Variants in VIT observed in about 807,000 individuals in gnomAD.
The protein encoded by VIT is vitrin.
VIT carries 99 observed loss-of-function variants against 78.0 expected under a neutral mutation model. The observed-to-expected ratio is 1.27, with a 90% confidence interval of 1.08 to 1.50. The LOEUF (loss-of-function observed/expected upper bound fraction) is 1.50, where lower values mean the gene tolerates loss of function less well. VIT is among the 40% of genes most tolerant of loss of function. The pLI, the probability that VIT is intolerant of heterozygous loss-of-function variation, is 0.00. For missense variants in VIT, 1,126 were observed against 875.3 expected, an observed-to-expected ratio of 1.29 and a Z score of -3.61; for synonymous variants, 374 against 334.3, an observed-to-expected ratio of 1.12 and a Z score of -1.29.
intron 12 of VIT, among the ~76,000 whole-genome samples, chr2:36,798,004 G>A (rs755720344): frequency 6.6e-6 from 1 of 152,050 alleles, no homozygotes; most frequent in Non-Finnish European, 1.5e-5. Context: ...GAAGAAGTGA[G>A]CAAATGCACA....
chr2:36,710,917 G>T (rs2372708), intron 1 of VIT, among the ~76,000 whole-genome samples: 101,571 of 152,032 alleles, frequency 0.67, 34,425 homozygotes, highest in African/African-American at 0.8. Context: ...CTTGGGAAAA[G>T]GCCTGGAAGT....
intron 12 of VIT, among the ~76,000 whole-genome samples, chr2:36,788,609 G>C (rs920450374): frequency 3.3e-5 from 5 of 152,234 alleles, no homozygotes; most frequent in African/African-American, 9.6e-5. Context: ...GCGGTTTTAG[G>C]GGGTATTTTC....
rs368409216 is a variant in VIT, at chr2:36,773,843, T to A, written c.732T>A (p.Asp244Glu). The A allele has an allele frequency of 3.1e-6, 5 of 1,599,940 alleles. No individual in the cohort carries two copies. Among genetic ancestry groups the A allele is most frequent in the Admixed American group, 1.7e-5 (1 of 59,742 alleles). The part of the protein sequence containing the change: ...YTSSQNRPRA[D>E]PGIQRQDPSG... ...GCAGCCAAAACAGGCCCAGAGCTGATCCAGGTAAGACCTTAAACTCCCTTT... is the reference window on the plus strand; with the variant it reads ...GCAGCCAAAACAGGCCCAGAGCTGAACCAGGTAAGACCTTAAACTCCCTTT... Residue 244 changes from aspartate to glutamate, a missense_variant, in exon 8 of 16, where the codon GAT (aspartate) becomes GAA (glutamate). Coordinates refer to ENST00000379242, the MANE Select transcript of VIT (RefSeq NM_053276.4).
chr2:36,740,671 G>A (rs769151236), intron 3 of VIT, among the ~76,000 whole-genome samples: 16 of 151,914 alleles, frequency 1.1e-4, no homozygotes, highest in Non-Finnish European at 2.1e-4. Flanking sequence ...TGCAGATAAA[G>A]CAGATCTTAT....
At chr2:36,730,527 G>A (rs772385499) in intron 3 of VIT, among the ~76,000 whole-genome samples, 2 of 152,170 alleles carry the variant, frequency 1.3e-5, no homozygotes, top group African/African-American at 4.8e-5. Context: ...GGATGAAGAA[G>A]GGCACATAAT....
chr2:36,716,672 C>T (rs774861117), intron 2 of VIT, among the ~76,000 whole-genome samples: 3 of 152,016 alleles, frequency 2.0e-5, no homozygotes, highest in East Asian at 1.9e-4. Context: ...TGGTATATTA[C>T]CTATTGCACA....
intron 4 of VIT, among the ~76,000 whole-genome samples, chr2:36,750,687 G>T (rs544803149): frequency 1.3e-5 from 2 of 151,596 alleles, no homozygotes; most frequent in Admixed American, 6.6e-5. Flanking sequence ...TGGGCATGGC[G>T]GTGCACACAT....
intron 15 of VIT, among the ~76,000 whole-genome samples, chr2:36,809,563 A>C (rs1666998399): frequency 6.6e-6 from 1 of 152,102 alleles, no homozygotes; most frequent in Admixed American, 6.5e-5. Context: ...GATTACAGGC[A>C]TGTGCCACCA....
chr2:36,805,410 C>A, intron 13 of VIT, 28 bp from the exon 14 acceptor site: 1 of 1,574,380 alleles, frequency 6.4e-7, no homozygotes, highest in Non-Finnish European at 8.6e-7. Context: ...CGTGATCACT[C>A]CAAGCATGAA....
At chr2:36,746,404 T>C (rs1303171400) in intron 4 of VIT, among the ~76,000 whole-genome samples, 1 of 152,160 alleles carries the variant, frequency 6.6e-6, no homozygotes, top group East Asian at 1.9e-4. Flanking sequence ...GTACTTCTGG[T>C]AGAATTTGGC....
intron 1 of VIT, among the ~76,000 whole-genome samples, chr2:36,713,015 T>C (rs768389011): frequency 6.6e-6 from 1 of 152,212 alleles, no homozygotes; most frequent in Non-Finnish European, 1.5e-5. Flanking sequence ...ATCCCTGCCC[T>C]TTTGGAGCTT....
intron 3 of VIT, among the ~76,000 whole-genome samples, chr2:36,737,732 T>C (rs1369016886): frequency 6.6e-6 from 1 of 152,308 alleles, no homozygotes; most frequent in Non-Finnish European, 1.5e-5. Flanking sequence ...TACGACTCCA[T>C]GGTTGTAAGA....
At chr2:36,739,318 A>C (rs989502634) in intron 3 of VIT, among the ~76,000 whole-genome samples, 2 of 152,218 alleles carry the variant, frequency 1.3e-5, no homozygotes, top group African/African-American at 4.8e-5. Context: ...AAAATAAGGA[A>C]TCTGCAGTTT....
At position 36,805,616 on chromosome 2, in the gene VIT, T is replaced by G. The variant is rs528455275; in HGVS notation, c.1341T>G (p.Ala447=). The G allele has an allele frequency of 3.1e-6, 5 of 1,614,158 alleles. No homozygotes were observed. In the South Asian group the frequency reaches 4.4e-5, roughly 14 times the overall value. The change falls in exon 14 of 16, where the codon GCT becomes GCG. Residue 447 remains alanine, a synonymous_variant. Coordinates refer to ENST00000379242, the MANE Select transcript of VIT (RefSeq NM_053276.4). ...TTTTCTTCATCACCATTGAAGGTGC[T>G]GCTGAAAATGAGAAGCAGTATGTGG... ...INIFFITIEG[A]AENEKQYVVE...
rs527301881 is a variant in VIT, at chr2:36,800,924, G to C, written c.1059-377G>C. Among the ~76,000 whole-genome samples, 111 of 152,254 alleles carry C rather than the reference G, an allele frequency of 7.3e-4. 1 individual carries two copies. Among genetic ancestry groups the C allele is most frequent in the South Asian group, 1.2e-3 (6 of 4,816 alleles). On this transcript the variant is annotated intron_variant, in intron 12 of 15. Transcript: ENST00000379242. ...TTCTCTTTCTGGAGAGGGGGGTCTGGGGTAGGCTGAGAACGCTGAGCACTC... is the reference window on the plus strand; with the variant it reads ...TTCTCTTTCTGGAGAGGGGGGTCTGCGGTAGGCTGAGAACGCTGAGCACTC...
chr2:36,708,110 T>TCCCCCCCC (rs141908586), intron 1 of VIT, among the ~76,000 whole-genome samples: 50 of 137,764 alleles, frequency 3.6e-4, no homozygotes, highest in Non-Finnish European at 5.8e-4. Flanking sequence ...GTAAAGGACC[T>TCCCCCCCC]CCCCCCCCCG....
At chr2:36,769,677 T>C (rs1485614166) in intron 7 of VIT, among the ~76,000 whole-genome samples, 1 of 152,184 alleles carries the variant, frequency 6.6e-6, no homozygotes, top group Non-Finnish European at 1.5e-5. Context: ...AAAATAAAAG[T>C]ATTCATGAGA....
chr2:36,749,992 T>G (rs1320379060), intron 4 of VIT, among the ~76,000 whole-genome samples: 3 of 152,186 alleles, frequency 2.0e-5, no homozygotes, highest in African/African-American at 4.8e-5. Flanking sequence ...AGTAATCTTT[T>G]CCCCATTACT....
chr2:36,800,463 T>C (rs1230862856), intron 12 of VIT, among the ~76,000 whole-genome samples: 2 of 152,226 alleles, frequency 1.3e-5, no homozygotes, highest in South Asian at 4.1e-4. Context: ...CAGAGCACTA[T>C]GCCAAGCCTG....
Sources: gnomAD v4.1 joint callset for allele counts (sites outside exome capture counted in the v4.1 genomes callset) on GRCh38, gnomAD v4.1.1 for gene constraint, MANE v1.5 for transcripts, NCBI Gene and HGNC (gene_info 2026-07-23, HGNC 2026-07-21) for gene names.